The following NOVA1 variants were observed in gnomAD, a reference collection of about 807,000 sequenced individuals.
The protein encoded by NOVA1 is RNA-binding protein Nova-1.
A neutral mutation model predicts 38.0 loss-of-function variants in NOVA1; 7 were observed. The ratio of observed to expected loss-of-function variants is 0.18; its 90% CI spans 0.10 to 0.35. The LOEUF (loss-of-function observed/expected upper bound fraction) is 0.35. Ranked by LOEUF, NOVA1 falls within the 10% of genes least tolerant of loss-of-function variation. NOVA1 has a pLI of 1.00. For synonymous variants in NOVA1, 270 were observed against 232.5 expected, an observed-to-expected ratio of 1.16 and a Z score of -1.47; for missense variants, 460 against 616.0, an observed-to-expected ratio of 0.75 and a Z score of 2.68.
At chr14:26,545,790 C>G (rs1890752616) in intron 2 of NOVA1, among the ~76,000 whole-genome samples, 1 of 152,056 alleles carries the variant, frequency 6.6e-6, no homozygotes, top group Non-Finnish European at 1.5e-5. Context: ...CGAGATCACA[C>G]TTCAGAAAAT....
chr14:26,476,948 C>T (rs1009256762), intron 3 of NOVA1, among the ~76,000 whole-genome samples: 1 of 148,294 alleles, frequency 6.7e-6, no homozygotes, highest in African/African-American at 2.6e-5. Context: ...CTCCCGACCT[C>T]AGGTGCTCTG....
rs1882270070 is a variant in NOVA1, at chr14:26,448,325, A to G, written c.1158T>C (p.Gly386=). 2 of 1,613,368 alleles carry G rather than the reference A, an allele frequency of 1.2e-6. No homozygotes were observed. The highest frequency in any genetic ancestry group is 2.2e-5 in the South Asian group (2 of 91,020). Residue 386 remains glycine (G), a synonymous_variant, in exon 5 of 5, where the codon GGT becomes GGC. Transcript: ENST00000539517. The surrounding 1 kb of genome is among the most constrained non-coding windows in gnomAD (Gnocchi z 5.3). ...TTGCAGCAGTAGCAGCAGCCAGGCT[A>G]CCTAATGCAAATGTCCCCGCCGTAC... ...AGGTAGTFAL[G]SLAAATAATN...
intron 2 of NOVA1, among the ~76,000 whole-genome samples, chr14:26,559,219 G>A (rs1187042360): frequency 9.9e-5 from 15 of 152,150 alleles, no homozygotes; most frequent in Admixed American, 8.5e-4. Context: ...CCTAAAAAGA[G>A]AAATAGTAAT....
At chr14:26,472,031 C>T (rs1884622941) in intron 4 of NOVA1, 1 of 403,130 alleles carries the variant, frequency 2.5e-6, no homozygotes, top group Admixed American at 4.3e-5. Flanking sequence ...TTAAAAATAC[C>T]AATTCAATAA....
intron 4 of NOVA1, among the ~76,000 whole-genome samples, chr14:26,465,543 T>C (rs1028284753): frequency 5.9e-5 from 9 of 152,196 alleles, no homozygotes; most frequent in Admixed American, 3.3e-4. Context: ...GGTTTTCAAA[T>C]TGTGCTCTGA....
rs1380573352 is a variant in NOVA1, at chr14:26,574,240, G to A, written c.280+21170C>T. On this transcript the variant is annotated intron_variant, in intron 2 of 4. Transcript: ENST00000539517. The stretch of plus-strand genomic sequence containing the variant: ...GGGGTTTCACCATCTTGGCCAGGCT[G>A]GTCTTGAACTCCTGACCTCGTGATC... Among the ~76,000 whole-genome samples the A allele has an allele frequency of 5.7e-5, 8 of 140,542 alleles. No homozygotes were observed. The Admixed American group carries it at 5.9e-4, about 10-fold the overall frequency. 92.2% of individuals were successfully genotyped at this position (140,542 alleles called of 152,430 possible). A position where few individuals can be genotyped will look rare whatever the true frequency, so the allele number is the denominator to read the frequency against.
chr14:26,463,015 C>A (rs1594338736), intron 4 of NOVA1, among the ~76,000 whole-genome samples: 1 of 152,134 alleles, frequency 6.6e-6, no homozygotes, highest in East Asian at 1.9e-4. Flanking sequence ...AAGATAGGGC[C>A]AAATGTTTCT....
At position 26,448,637 on chromosome 14, in the gene NOVA1, A is replaced by G. The variant is rs749412354; in HGVS notation, c.846T>C (p.Ala282=). ...YANTAEVLPT[A]AAAAGLLGHA... ...GTCCTAATAGCCCTGCAGCTGCTGC[A>G]GCAGTTGGTAACACTTCAGCAGTGT... Residue 282 remains alanine (A), a synonymous_variant, in exon 5 of 5, where the codon GCT becomes GCC. Coordinates refer to ENST00000539517, the MANE Select transcript of NOVA1 (RefSeq NM_002515.3). The surrounding 1 kb of genome is among the most constrained non-coding windows in gnomAD (Gnocchi z 5.3). 1 of 1,614,262 alleles carries G rather than the reference A, an allele frequency of 6.2e-7. No individual in the cohort carries two copies. The highest frequency in any genetic ancestry group is 1.1e-5 in the South Asian group (1 of 91,086).
intron 4 of NOVA1, among the ~76,000 whole-genome samples, chr14:26,462,172 T>A (rs941313050): frequency 6.6e-6 from 1 of 152,122 alleles, no homozygotes; most frequent in Non-Finnish European, 1.5e-5. Context: ...ACTAATTATA[T>A]CTAAAAGGAT....
intron 2 of NOVA1, among the ~76,000 whole-genome samples, chr14:26,572,654 A>T (rs949610349): frequency 6.6e-6 from 1 of 151,876 alleles, no homozygotes; most frequent in Non-Finnish European, 1.5e-5. Flanking sequence ...CCTCAACCAG[A>T]TTGAGGTGAT....
intron 2 of NOVA1, among the ~76,000 whole-genome samples, chr14:26,502,785 A>T (rs576078788): frequency 6.6e-6 from 1 of 151,972 alleles, no homozygotes; most frequent in African/African-American, 2.4e-5. Context: ...AAAAATAAAA[A>T]TGTGCCATTG....
At chr14:26,470,226 G>T in intron 4 of NOVA1, 1 of 1,090,780 alleles carries the variant, frequency 9.2e-7, no homozygotes, top group Non-Finnish European at 1.2e-6. Context: ...TTCTTATCTT[G>T]GTTATATACT....
At chr14:26,496,677 A>G (rs1267191749) in intron 2 of NOVA1, among the ~76,000 whole-genome samples, 2 of 152,274 alleles carry the variant, frequency 1.3e-5, no homozygotes, top group South Asian at 2.1e-4. Flanking sequence ...TGTATAAGGT[A>G]TAAGGATGGG....
In NOVA1 at chr14:26,529,196, GGT is replaced by G; in HGVS notation, c.281-49055_281-49054del. Among the ~76,000 whole-genome samples the G allele has an allele frequency of 1.3e-5, 2 of 151,626 alleles. 1 individual carries two copies. The highest frequency in any genetic ancestry group is 6.4e-3 in the Middle Eastern group (2 of 314). ...TCTGTCACCCAGGCTGGAGTGCAGT[GGT>G]GTAATCTCGGCTCACAGCAACTTCC... On this transcript the variant is annotated intron_variant, in intron 2 of 4. Transcript: ENST00000539517.
chr14:26,512,092 A>G (rs899804232), intron 2 of NOVA1, among the ~76,000 whole-genome samples: 3 of 152,128 alleles, frequency 2.0e-5, no homozygotes, highest in African/African-American at 7.2e-5. Context: ...ACTGCTATAT[A>G]ATGTAAAGAA....
At chr14:26,526,537 G>A (rs1240464421) in intron 2 of NOVA1, among the ~76,000 whole-genome samples, 4 of 151,074 alleles carry the variant, frequency 2.6e-5, no homozygotes, top group African/African-American at 7.3e-5. Context: ...AAATCTTGGA[G>A]ATTTTTTTAA....
intron 4 of NOVA1, 129 bp downstream of exon 4, chr14:26,472,190 AT>A: frequency 1.6e-6 from 1 of 627,058 alleles, no homozygotes; most frequent in Non-Finnish European, 2.9e-6. Flanking sequence ...TTCTTAGGTT[AT>A]TTGGAATCTG....
At position 26,590,769 on chromosome 14, in the gene NOVA1, G is replaced by T. The variant is rs565859270; in HGVS notation, c.280+4641C>A. On this transcript the variant is annotated intron_variant, in intron 2 of 4. Transcript: ENST00000539517. ...CCTGAAATCCTTTGGGGTAGTATTTGCAAGGCAATGTTGTAGATATATTTC... is the reference window on the plus strand; with the variant it reads ...CCTGAAATCCTTTGGGGTAGTATTTTCAAGGCAATGTTGTAGATATATTTC... Among the ~76,000 whole-genome samples the T allele has an allele frequency of 3.3e-5, 5 of 151,824 alleles. No individual in the cohort carries two copies. The South Asian group carries it at 1.0e-3, about 32-fold the overall frequency.
intron 2 of NOVA1, among the ~76,000 whole-genome samples, chr14:26,581,545 G>T (rs181120155): frequency 9.9e-5 from 15 of 151,990 alleles, no homozygotes; most frequent in Admixed American, 4.6e-4. Flanking sequence ...AAAATAGAAA[G>T]ATATCAAGGT....
Sources: allele counts gnomAD v4.1 joint callset (sites outside exome capture counted in the v4.1 genomes callset), GRCh38; gene constraint gnomAD v4.1.1; non-coding constraint Gnocchi (gnomAD v3.1); transcripts MANE v1.5; gene names NCBI Gene and HGNC (gene_info 2026-07-23, HGNC 2026-07-21).